The following GTF2IRD1 variants were observed in gnomAD, a reference collection of about 807,000 sequenced individuals.
GTF2IRD1 encodes GTF2I repeat domain containing 1.
In GTF2IRD1, 26 loss-of-function variants were observed where a neutral mutation model predicts 113.2. The observed-to-expected ratio is 0.23, with a 90% CI of 0.17 to 0.32. GTF2IRD1 has a LOEUF of 0.32. Among genes scored for constraint, GTF2IRD1 ranks in the 10% least tolerant of loss-of-function variants. GTF2IRD1 has a pLI of 1.00. For missense variants in GTF2IRD1, 864 were observed against 1,280.8 expected (o/e 0.67, Z 4.97); for synonymous variants, 484 against 529.1 (o/e 0.91, Z 1.17).
chr7:74,574,917 C>T (rs781998535), intron 22 of GTF2IRD1, among the ~76,000 whole-genome samples: 16 of 151,902 alleles, frequency 1.1e-4, no homozygotes, highest in Non-Finnish European at 1.5e-4. Context: ...GGTGAAACTC[C>T]GTTTCTACTA....
intron 22 of GTF2IRD1, among the ~76,000 whole-genome samples, chr7:74,578,939 A>G (rs1801245685): frequency 6.6e-6 from 1 of 151,566 alleles, no homozygotes; most frequent in African/African-American, 2.4e-5. Context: ...GTGAGCTGAG[A>G]TCATGCCACT....
At chr7:74,458,494 G>A (rs1554328067) in intron 1 of GTF2IRD1, among the ~76,000 whole-genome samples, 2 of 151,998 alleles carry the variant, frequency 1.3e-5, no homozygotes, top group East Asian at 1.9e-4. Flanking sequence ...TCCATACTCC[G>A]GAAGGGAGGC....
At position 74,521,182 on chromosome 7, in the gene GTF2IRD1, CCTT is replaced by C. The variant is rs587711583; in HGVS notation, c.917-21_917-19del. 272 of 1,434,636 alleles carry C rather than the reference CCTT, an allele frequency of 1.9e-4. 1 individual carries two copies. The South Asian group carries it at 3.0e-3, about 16-fold the overall frequency. The allele number at this position is 1,434,636 out of a possible 1,614,324, so 88.9% of individuals were successfully genotyped here. On this transcript the variant is annotated intron_variant, in intron 6 of 26. Coordinates refer to ENST00000424337, the MANE Select transcript of GTF2IRD1 (RefSeq NM_005685.4). ...GAACCCTCTTGGGTCCCACCTGGAA[CCTT>C]CTTCCTTCTCTCCCTTGTCCAGGAC...
rs1475988222 is a variant in GTF2IRD1 at position 74,498,846 on chromosome 7, G to A, written c.-6-9229G>A. Among the ~76,000 whole-genome samples, 5 of 151,332 alleles carry A rather than the reference G, an allele frequency of 3.3e-5. No homozygotes were observed. In the East Asian group the frequency reaches 5.8e-4, roughly 18 times the overall value. On this transcript the variant is annotated intron_variant, in intron 1 of 26. Transcript: ENST00000424337. ...CAGGTTCTAGCAATTCTCCTGCCTC[G>A]GCCTCCCTAGTAGCTGGGACTATAG...
intron 8 of GTF2IRD1, among the ~76,000 whole-genome samples, chr7:74,527,660 G>C (rs868960828): frequency 7.9e-4 from 121 of 152,280 alleles, no homozygotes; most frequent in African/African-American, 2.8e-3. Flanking sequence ...TGGCCAACAT[G>C]GTGAAACCCT....
intron 14 of GTF2IRD1, among the ~76,000 whole-genome samples, chr7:74,543,497 A>G (rs1445941645): frequency 1.3e-5 from 2 of 152,150 alleles, no homozygotes; most frequent in African/African-American, 2.4e-5. Flanking sequence ...AACAACAAAA[A>G]AAGAAAATTC....
At chr7:74,592,868 G>A (rs11978193) in intron 24 of GTF2IRD1, among the ~76,000 whole-genome samples, 2,341 of 151,798 alleles carry the variant, frequency 0.015, 59 homozygotes, top group African/African-American at 0.053. Context: ...TTGTTTCTTC[G>A]TTTTTTTGAG....
At chr7:74,492,467 GC>G (rs1554336972) in intron 1 of GTF2IRD1, among the ~76,000 whole-genome samples, 1 of 152,086 alleles carries the variant, frequency 6.6e-6, no homozygotes, top group Non-Finnish European at 1.5e-5. Flanking sequence ...ACCACGCCTG[GC>G]CCAGCATCTG....
At chr7:74,548,509 C>T (rs74864892) in intron 17 of GTF2IRD1, among the ~76,000 whole-genome samples, 9,473 of 152,036 alleles carry the variant, frequency 0.062, 393 homozygotes, top group Admixed American at 0.089. Context: ...GTGGCTCATG[C>T]CTATAATCCC....
At chr7:74,454,422 C>T (rs1234439706) in intron 1 of GTF2IRD1, among the ~76,000 whole-genome samples, 1 of 151,756 alleles carries the variant, frequency 6.6e-6, no homozygotes, top group Non-Finnish European at 1.5e-5. Context: ...GAGCTGGGAG[C>T]TGTCACCCCC....
At chr7:74,529,693 CCTGT>C (rs782402468) in intron 8 of GTF2IRD1, 37 bp from the exon 9 acceptor site, 8 of 1,591,150 alleles carry the variant, frequency 5.0e-6, no homozygotes, top group African/African-American at 1.3e-5. Flanking sequence ...TGTCCAGCAG[CCTGT>C]CTAACACTCA....
At chr7:74,534,922 A>G (rs1395925178) in intron 9 of GTF2IRD1, among the ~76,000 whole-genome samples, 191 bp from the exon 10 acceptor site, 1 of 152,094 alleles carries the variant, frequency 6.6e-6, no homozygotes, top group Non-Finnish European at 1.5e-5. Flanking sequence ...AAATAAAAAT[A>G]AACGGTTTGG....
intron 1 of GTF2IRD1, among the ~76,000 whole-genome samples, chr7:74,460,417 AT>A (rs59643542): frequency 9.6e-4 from 143 of 148,286 alleles, no homozygotes; most frequent in African/African-American, 3.1e-3. Flanking sequence ...TTAAAAAAAA[AT>A]TTTTTTTTTT....
chr7:74,558,322 A>ATTGGTG (rs1190236287), intron 20 of GTF2IRD1, among the ~76,000 whole-genome samples: 1 of 100,172 alleles, frequency 1.0e-5, no homozygotes, highest in African/African-American at 3.6e-5. Flanking sequence ...ATGGGAGCAT[A>ATTGGTG]TTGGTGTGGC....
At chr7:74,504,711 T>A (rs1294164996) in intron 1 of GTF2IRD1, among the ~76,000 whole-genome samples, 1 of 149,384 alleles carries the variant, frequency 6.7e-6, no homozygotes, top group Admixed American at 6.7e-5. Context: ...TTTACTTTTT[T>A]TTTTTTTTTT....
intron 9 of GTF2IRD1, among the ~76,000 whole-genome samples, chr7:74,530,814 T>C (rs1406471690): frequency 1.3e-5 from 2 of 152,136 alleles, no homozygotes; most frequent in African/African-American, 4.8e-5. Context: ...GACCTGGGCG[T>C]CCTTGGGCAA....
intron 4 of GTF2IRD1, 76 bp downstream of exon 4, chr7:74,515,672 C>T (rs1554344507): frequency 1.5e-6 from 2 of 1,338,772 alleles, no homozygotes; most frequent in African/African-American, 1.5e-5. Flanking sequence ...AGAGGGGGCC[C>T]CCTCCTGTCC....
chr7:74,587,337 A>G (rs1279764040), intron 22 of GTF2IRD1, among the ~76,000 whole-genome samples: 2 of 152,034 alleles, frequency 1.3e-5, no homozygotes, highest in Non-Finnish European at 2.9e-5. Context: ...CCCAGCTCTC[A>G]GGAGGCTGAC....
chr7:74,521,683 G>T (rs781878538), intron 7 of GTF2IRD1, among the ~76,000 whole-genome samples: 1 of 152,118 alleles, frequency 6.6e-6, no homozygotes, highest in Non-Finnish European at 1.5e-5. Context: ...GATCACTTGA[G>T]CCCAGGAGTT....
Sources: allele counts gnomAD v4.1 joint callset (sites outside exome capture counted in the v4.1 genomes callset), GRCh38; gene constraint gnomAD v4.1.1; transcripts MANE v1.5; gene names NCBI Gene and HGNC (gene_info 2026-07-23, HGNC 2026-07-21).